TTN: variants seen among roughly 807,000 people sequenced by gnomAD.
TTN encodes titin.
TTN carries 1,525 observed loss-of-function variants against 3,223.0 expected under a neutral mutation model. The observed-to-expected ratio is 0.47, with a 90% CI of 0.45 to 0.49. TTN has a LOEUF of 0.49. TTN is among the 20% of genes least tolerant of loss of function. The probability of loss-of-function intolerance (pLI) is 0.00; values close to 1 mark genes in which losing one functional copy is unlikely to be tolerated. For missense variants in TTN, 40,786 were observed against 43,424.0 expected (o/e 0.94, Z 5.40); for synonymous variants, 14,094 against 15,161.0 (o/e 0.93, Z 5.17).
At chr2:178,676,907 AT>A (rs2068194948) in intron 147 of TTN, among the ~76,000 whole-genome samples, 1 of 151,654 alleles carries the variant, frequency 6.6e-6, no homozygotes, top group Non-Finnish European at 1.5e-5. Flanking sequence ...TAGTATACTT[AT>A]TCATATATAT....
At chr2:178,695,836 G>A (rs2073605411) in intron 114 of TTN, 29 bp downstream of exon 114, 4 of 1,365,676 alleles carry the variant, frequency 2.9e-6, no homozygotes, top group Non-Finnish European at 3.8e-6. Flanking sequence ...GAAGAAAAGA[G>A]GGAAACAAGT....
rs1690115787 is a variant in TTN at position 178,533,571 on chromosome 2, C to CT, written c.103043_103044insA (p.Thr34349AspfsTer11). On this transcript the variant is annotated frameshift_variant, in exon 358 of 363. Transcript: ENST00000589042. LOFTEE classifies it high-confidence loss of function. ...TTGGAGGTGGGTGTAGGGTTACTGTCAGCTTTGCTTTACAGCTGTCTTCAC... is the reference window on the plus strand; with the variant it reads ...TTGGAGGTGGGTGTAGGGTTACTGTCTAGCTTTGCTTTACAGCTGTCTTCAC... 2.5e-6 allele frequency: 4 copies of CT among 1,613,940 alleles called. No homozygotes were observed. The highest frequency in any genetic ancestry group is 3.4e-6 in the Non-Finnish European group (4 of 1,179,854).
rs1422300331 is a variant in TTN at position 178,604,763 on chromosome 2, C to T, written c.54326G>A (p.Arg18109Lys). 6.2e-7 allele frequency: 1 copy of T among 1,612,140 alleles called. No homozygotes were observed. ...GACTTCCTCCCATTCTGCTTTCTTC[C>T]TACTTGCATCACGTTTGTCAATAAC... ...HYVIDKRDASRKKAEWEEVTN... is the reference protein window; with the variant it reads ...HYVIDKRDASKKKAEWEEVTN... The change falls in exon 281 of 363, where the codon AGG (arginine) becomes AAG (lysine). Residue 18109 changes from arginine (R) to lysine (K), a missense_variant. Transcript: ENST00000589042.
rs779567435 is a variant in TTN, at chr2:178,546,781, A to G, written c.94647T>C (p.Ser31549=). 6.2e-7 allele frequency: 1 copy of G among 1,613,548 alleles called. No individual in the cohort carries two copies. The highest frequency in any genetic ancestry group is 8.5e-7 in the Non-Finnish European group (1 of 1,179,618). ...VGYIIERKPV[S]EVGDGRWLKC... ...TCAGCCAGCGACCATCTCCTACCTC[A>G]CTGACTGGCTTACGCTCTATGATGT... is the stretch of plus-strand genomic sequence containing the variant. The change falls in exon 341 of 363, where the codon AGT becomes AGC. Residue 31549 remains serine, a synonymous_variant. Coordinates refer to ENST00000589042, the MANE Select transcript of TTN (RefSeq NM_001267550.2).
rs56019808 is a variant in TTN, at chr2:178,574,291, C to G, written c.71841G>C (p.Lys23947Asn). ...TRHTVTLKWA[K>N]PEYTGGFKIT... is the part of the protein sequence containing the mutation. ...TTTTAAAGCCCCCAGTATATTCAGGCTTAGCCCATTTAAGTGTTACTGTGT... is the reference window on the plus strand; with the variant it reads ...TTTTAAAGCCCCCAGTATATTCAGGGTTAGCCCATTTAAGTGTTACTGTGT... The change falls in exon 326 of 363, where the codon AAG becomes AAC. Residue 23947 changes from lysine (K) to asparagine (N), a missense_variant. Physicochemically the swap from Lys to Asn is moderately conservative, Grantham distance 94. Transcript: ENST00000589042. 9.2e-5 allele frequency: 148 copies of G among 1,613,418 alleles called. No homozygotes were observed. The African/African-American group carries it at 1.5e-3, about 16-fold the overall frequency.
chr2:178,779,540 A>G (rs550005448), intron 22 of TTN, 78 bp from the exon 23 acceptor site: 18 of 980,860 alleles, frequency 1.8e-5, no homozygotes, highest in Non-Finnish European at 2.7e-5. Context: ...TATCTGAGCT[A>G]GACTGTTGAA....
chr2:178,691,954 C>T (rs1363892639), intron 121 of TTN, 62 bp downstream of exon 121: 13 of 1,391,414 alleles, frequency 9.3e-6, no homozygotes, highest in South Asian at 1.3e-5. Context: ...ATATGAAGAT[C>T]GTAGAAAGCA....
rs757006241 is a variant in TTN at position 178,740,754 on chromosome 2, G to A, written c.12479C>T (p.Thr4160Ile). The A allele has an allele frequency of 3.1e-6, 5 of 1,613,740 alleles. No individual in the cohort carries two copies. Among genetic ancestry groups the A allele is most frequent in the Non-Finnish European group, 2.5e-6 (3 of 1,179,808 alleles). Reference sequence around the variant, plus strand: ...CATTAGAATACCTTCTTTGGAGAAGGTTTTCTGGGACTGTACAATCTGCAG... The same window carrying A: ...CATTAGAATACCTTCTTTGGAGAAGATTTTCTGGGACTGTACAATCTGCAG... ...LQLQIVQSQK[T>I]FSKEGILMPE... The change falls in exon 48 of 363, where the codon ACC becomes ATC. Residue 4160 changes from threonine (T) to isoleucine (I), a missense_variant. Transcript: ENST00000589042.
Position 178,724,338 on chromosome 2 carries a change from G to T in TTN, c.21037C>A (p.Gln7013Lys), listed in dbSNP as rs1191869265. ...TGGAAAGTGTATGTGCCTGCATCTT[G>T]CCTTTCAACTGAGAGAATCCTTAAG... ...SSLRILSVER[Q>K]DAGTYTFQVQ... is the part of the protein sequence containing the mutation. The change falls in exon 72 of 363, where the codon CAA becomes AAA. Residue 7013 changes from glutamine (Q) to lysine (K), a missense_variant. By Grantham distance (53) the Gln-to-Lys change is moderately conservative. Coordinates refer to ENST00000589042, the MANE Select transcript of TTN (RefSeq NM_001267550.2). 1 of 1,613,574 alleles carries T rather than the reference G, an allele frequency of 6.2e-7. No individual in the cohort carries two copies.
chr2:178,750,829 A>G (rs986164743), intron 47 of TTN: 10 of 1,613,142 alleles, frequency 6.2e-6, no homozygotes, highest in South Asian at 5.5e-5. Flanking sequence ...TCTCACATAC[A>G]TTAGTGATAT....
Position 178,695,352 on chromosome 2 carries a change from A to T in TTN, c.31266T>A (p.Pro10422=). The T allele has an allele frequency of 1.9e-6, 3 of 1,611,308 alleles. No homozygotes were observed. Among genetic ancestry groups the T allele is most frequent in the Non-Finnish European group, 2.5e-6 (3 of 1,177,942 alleles). The change falls in exon 115 of 363, where the codon CCT becomes CCA. Residue 10422 remains proline, a synonymous_variant. Coordinates refer to ENST00000589042, the MANE Select transcript of TTN (RefSeq NM_001267550.2). Reference sequence around the variant, plus strand: ...TAAATATTTCTAATTACTTACCTTTAGGAGGTGGTGGTGCTTTCTTTTCAG... The same window carrying T: ...TAAATATTTCTAATTACTTACCTTTTGGAGGTGGTGGTGCTTTCTTTTCAG... ...KVPEKKAPPP[P]KVIKKPVIEK...
At chr2:178,694,372 T>G (rs975782892) in intron 117 of TTN, 2 of 456,472 alleles carry the variant, frequency 4.4e-6, no homozygotes, top group African/African-American at 2.0e-5. Flanking sequence ...ACACAAACCT[T>G]CTTTATAATA....
chr2:178,668,505 C>T (rs527845596), intron 159 of TTN, among the ~76,000 whole-genome samples: 2 of 151,696 alleles, frequency 1.3e-5, no homozygotes, highest in African/African-American at 4.8e-5. Flanking sequence ...CTGAGGTGGG[C>T]GGGTCACCTG....
At chr2:178,744,458 T>C (rs2083082207) in intron 47 of TTN, 2 of 881,346 alleles carry the variant, frequency 2.3e-6, no homozygotes, top group South Asian at 1.1e-4. Flanking sequence ...CATTAGTATA[T>C]AGGTAAGATA....
intron 47 of TTN, chr2:178,745,628 T>A (rs1245897922): frequency 6.2e-7 from 1 of 1,612,678 alleles, no homozygotes; most frequent in Non-Finnish European, 8.5e-7. Context: ...CATTCCTGAT[T>A]TGTTTGTAGC....
At chr2:178,804,472 C>A in intron 2 of TTN, 80 bp downstream of exon 2, 2 of 1,390,426 alleles carry the variant, frequency 1.4e-6, no homozygotes, top group Non-Finnish European at 2.0e-6. Flanking sequence ...TTAAACTTGG[C>A]GTCAAGTCCT....
chr2:178,682,784 A>C lies in TTN; in HGVS notation c.33007T>G (p.Tyr11003Asp). The C allele has an allele frequency of 6.2e-7, 1 of 1,612,522 alleles. No homozygotes were observed. The highest frequency in any genetic ancestry group is 8.5e-7 in the Non-Finnish European group (1 of 1,179,092). The stretch of plus-strand genomic sequence containing the variant: ...TGGTCATATTCTTCTGTTGGTTCAT[A>C]CTCCTCAAATTCTTTATAATCATAT... ...EEYDYKEFEE[Y>D]EPTEEYDQYE... The change falls in exon 135 of 363, where the codon TAT becomes GAT. Residue 11003 changes from tyrosine (Y) to aspartate (D), a missense_variant. Tyr to Asp is a radical substitution (Grantham distance 160). Transcript: ENST00000589042.
Position 178,756,470 on chromosome 2 carries a change from A to G in TTN, c.11006T>C (p.Val3669Ala). 6.2e-7 allele frequency: 1 copy of G among 1,613,840 alleles called. No individual in the cohort carries two copies. The highest frequency in any genetic ancestry group is 2.2e-5 in the East Asian group (1 of 44,830). ...APKIFLHLQDVTVKCGDTAQF... is the reference protein window; with the variant it reads ...APKIFLHLQDATVKCGDTAQF... Reference sequence around the variant, plus strand: ...AGCCGTGTCACCGCACTTTACAGTGACGTCCTGAAGATGCAGGAAAATCTT... The same window carrying G: ...AGCCGTGTCACCGCACTTTACAGTGGCGTCCTGAAGATGCAGGAAAATCTT... The change falls in exon 46 of 363, where the codon GTC (valine) becomes GCC (alanine). Residue 3669 changes from valine to alanine, a missense_variant. Transcript: ENST00000589042.
intron 359 of TTN, 50 bp from the exon 360 acceptor site, chr2:178,529,269 C>T (rs758128293): frequency 1.5e-6 from 2 of 1,307,442 alleles, no homozygotes; most frequent in South Asian, 1.7e-5. Context: ...GAGACCCCCA[C>T]CTTTTACTCT....
Sources: allele counts gnomAD v4.1 joint callset (sites outside exome capture counted in the v4.1 genomes callset), GRCh38; gene constraint gnomAD v4.1.1; transcripts MANE v1.5; gene names NCBI Gene and HGNC (gene_info 2026-07-23, HGNC 2026-07-21).